TRIM7: variants seen among roughly 807,000 people sequenced by gnomAD.
TRIM7 encodes the protein tripartite motif containing 7, also known as E3 ubiquitin-protein ligase TRIM7.
A neutral mutation model predicts 37.9 loss-of-function variants in TRIM7; 32 were observed. The observed-to-expected ratio is 0.84, with a 90% CI of 0.64 to 1.13. TRIM7 has a LOEUF of 1.13. Among genes scored for constraint, TRIM7 ranks in the 50% most tolerant of loss-of-function variants. The pLI is 0.00. For missense variants in TRIM7, 732 were observed against 714.0 expected (o/e 1.03, Z -0.29); for synonymous variants, 351 against 321.3 (o/e 1.09, Z -0.99).
chr5:181,198,965 C>T (rs974173596), intron 4 of TRIM7, 130 bp downstream of exon 4: 9 of 1,335,924 alleles, frequency 6.7e-6, no homozygotes, highest in East Asian at 2.3e-5. Context: ...GCGTTTGTCT[C>T]GGAAGGTCCC....
At chr5:181,198,885 C>A (rs1757304145) in intron 4 of TRIM7, 80 bp from the exon 5 acceptor site, 1 of 1,253,080 alleles carries the variant, frequency 8.0e-7, no homozygotes, top group Non-Finnish European at 1.1e-6. Context: ...TGGCGAGGTC[C>A]TCTTGGCAGA....
rs1277072983 is a variant in TRIM7, at chr5:181,194,836, T to C, written c.*330A>G. The C allele has an allele frequency of 7.8e-6, 2 of 256,164 alleles. No individual in the cohort carries two copies. The highest frequency in any genetic ancestry group is 1.5e-5 in the Non-Finnish European group (2 of 135,152). 15.9% of individuals were successfully genotyped at this position (256,164 alleles called of 1,614,324 possible). On this transcript the variant is annotated 3_prime_UTR_variant, in exon 7 of 7. Coordinates refer to ENST00000274773, the MANE Select transcript of TRIM7 (RefSeq NM_203293.3). ...AACAGCAGGACTGGCTTTGACATTG[T>C]TTTAGGGAGCCAGGCACCCTTCCCA...
chr5:181,203,647 A>C lies in TRIM7; in HGVS notation c.523-7T>G. 6.2e-7 allele frequency: 1 copy of C among 1,605,994 alleles called. No individual in the cohort carries two copies. Among genetic ancestry groups the C allele is most frequent in the Non-Finnish European group, 8.5e-7 (1 of 1,176,994 alleles). On this transcript the variant is annotated splice_polypyrimidine_tract_variant and splice_region_variant and intron_variant, in intron 1 of 6. Transcript: ENST00000274773. Reference sequence around the variant, plus strand: ...GCCTGGACTCCAAGAGCTCCTGTAGATGAAGGGAAACAATGTAAGGTGGGG... The same window carrying C: ...GCCTGGACTCCAAGAGCTCCTGTAGCTGAAGGGAAACAATGTAAGGTGGGG...
rs749975908 is a variant in TRIM7, at chr5:181,200,055, C to G, written c.645G>C (p.Lys215Asn). 6.2e-7 allele frequency: 1 copy of G among 1,614,270 alleles called. No individual in the cohort carries two copies. The highest frequency in any genetic ancestry group is 1.1e-5 in the South Asian group (1 of 91,090). ...LLKQMAAEQE[K>N]VGAEFQALRA... ...TCAGTGCCTGGAACTCTGCCCCCAC[C>G]TTCTCCTGCTCCGCTGCCATCTGTT... is the stretch of plus-strand genomic sequence containing the variant. The change falls in exon 3 of 7, where the codon AAG becomes AAC. Residue 215 changes from lysine to asparagine, a missense_variant. Transcript: ENST00000274773.
chr5:181,199,819 A>G, intron 3 of TRIM7, 32 bp downstream of exon 3: 1 of 1,590,796 alleles, frequency 6.3e-7, no homozygotes, highest in Non-Finnish European at 8.6e-7. Context: ...CTTAGGATAA[A>G]TGACTCGAGC....
chr5:181,200,814 G>A (rs114167808), intron 2 of TRIM7: 1 of 985,446 alleles, frequency 1.0e-6, no homozygotes, highest in Non-Finnish European at 1.2e-6. Flanking sequence ...CCACCAGGAA[G>A]TTCCTCTTCC....
chr5:181,203,615 A>G lies in TRIM7; in HGVS notation c.548T>C (p.Val183Ala), dbSNP rs1347251775. Residue 183 changes from valine to alanine, a missense_variant, in exon 2 of 7, where the codon GTC (valine) becomes GCC (alanine). By Grantham distance (64) the Val-to-Ala change is moderately conservative (BLOSUM62 0). Transcript: ENST00000274773. Reference sequence around the variant, plus strand: ...ACAGTCCTCCAGTTCCTTCTTCAAGACCCTCAGCCTGGACTCCAAGAGCTC... The same window carrying G: ...ACAGTCCTCCAGTTCCTTCTTCAAGGCCCTCAGCCTGGACTCCAAGAGCTC... ...AKELLESRLRVLKKELEDCEV... is the reference protein window; with the variant it reads ...AKELLESRLRALKKELEDCEV... 2.5e-6 allele frequency: 4 copies of G among 1,613,176 alleles called. No homozygotes were observed. In the South Asian group the frequency reaches 3.3e-5, roughly 13 times the overall value.
rs1453458341 is a variant in TRIM7, at chr5:181,203,544, C to T, written c.618+1G>A. The T allele has an allele frequency of 6.2e-7, 1 of 1,614,094 alleles. No homozygotes were observed. Among genetic ancestry groups the T allele is most frequent in the South Asian group, 1.1e-5 (1 of 91,084 alleles). On this transcript the variant is annotated splice_donor_variant, in intron 2 of 6. Transcript: ENST00000274773. LOFTEE classifies it high-confidence loss of function. ...GGGGGGCCTGCGGGTGCCTGGCTCACCAGCAGCTCCTTGCTCTCCTTCTTT... is the reference window on the plus strand; with the variant it reads ...GGGGGGCCTGCGGGTGCCTGGCTCATCAGCAGCTCCTTGCTCTCCTTCTTT...
chr5:181,204,308 G>A (rs1033845553), intron 1 of TRIM7: 2 of 1,156,154 alleles, frequency 1.7e-6, no homozygotes, highest in African/African-American at 3.2e-5. Context: ...CAGACAGGAA[G>A]AACATCGCCA....
Position 181,200,083 on chromosome 5 carries a change from T to G in TRIM7, c.619-2A>C. 1 of 1,614,288 alleles carries G rather than the reference T, an allele frequency of 6.2e-7. No individual in the cohort carries two copies. The highest frequency in any genetic ancestry group is 1.1e-5 in the South Asian group (1 of 91,090). ...CTCCTGCTCCGCTGCCATCTGTTTC[T>G]GTCCCAGGAGGAGAAGTTGGAGAGG... On this transcript the variant is annotated splice_acceptor_variant, in intron 2 of 6. Transcript: ENST00000274773. LOFTEE classifies it high-confidence loss of function.
chr5:181,195,160 T>G lies in TRIM7; in HGVS notation c.*6A>C, dbSNP rs1312951182. The G allele has an allele frequency of 3.2e-6, 5 of 1,586,010 alleles. No individual in the cohort carries two copies. In the East Asian group the frequency reaches 1.1e-4, roughly 36 times the overall value. The stretch of plus-strand genomic sequence containing the variant: ...CCCAGAGACAGGAGCTCCCCAGCAG[T>G]GCCCCTCAAGGCCAGATTCGCAAGT... On this transcript the variant is annotated 3_prime_UTR_variant, in exon 7 of 7. Transcript: ENST00000274773.
Position 181,198,182 on chromosome 5 carries a change from CCTTTCTCCT to C in TRIM7, c.1016_1024del (p.Glu339_Lys341del), listed in dbSNP as rs769645410. ...ACTCGCCATCACAGCACCATCCCTA[CCTTTCTCCT>C]CTTTCTCCAGCTCTCCCCGAAGGTC... On this transcript the variant is annotated inframe_deletion and splice_region_variant, in exon 6 of 7. Coordinates refer to ENST00000274773, the MANE Select transcript of TRIM7 (RefSeq NM_203293.3). 1.7e-5 allele frequency: 28 copies of C among 1,614,052 alleles called. No individual in the cohort carries two copies. The highest frequency in any genetic ancestry group is 1.6e-4 in the Middle Eastern group (1 of 6,084).
At position 181,195,575 on chromosome 5, in the gene TRIM7, T is replaced by C. The variant is rs202182023; in HGVS notation, c.1127A>G (p.His376Arg). The change falls in exon 7 of 7, where the codon CAC becomes CGC. Residue 376 changes from histidine to arginine, a missense_variant. His to Arg is a conservative substitution (Grantham distance 29). Transcript: ENST00000274773. The stretch of plus-strand genomic sequence containing the variant: ...GGTGTTGGTGTCGAAGCGGCAGGGG[T>C]GGTTGGGCAGGTCCTGGGCCCGCTC... Reference protein sequence around the residue: ...LGERAQDLPNHPCRFDTNTRV... With the variant: ...LGERAQDLPNRPCRFDTNTRV... 6.3e-7 allele frequency: 1 copy of C among 1,597,112 alleles called. No individual in the cohort carries two copies. The highest frequency in any genetic ancestry group is 1.7e-5 in the Admixed American group (1 of 58,574).
chr5:181,195,571 G>A lies in TRIM7; in HGVS notation c.1131C>T (p.Pro377=). ...GERAQDLPNH[P]CRFDTNTRVL... ...CGCGGGTGTTGGTGTCGAAGCGGCA[G>A]GGGTGGTTGGGCAGGTCCTGGGCCC... Residue 377 remains proline (P), a synonymous_variant, in exon 7 of 7, where the codon CCC becomes CCT. Transcript: ENST00000274773. 1 of 1,607,886 alleles carries A rather than the reference G, an allele frequency of 6.2e-7. No homozygotes were observed. The highest frequency in any genetic ancestry group is 1.3e-5 in the African/African-American group (1 of 74,924).
chr5:181,202,615 G>T (rs2113087044), intron 2 of TRIM7: 1 of 151,036 alleles, frequency 6.6e-6, no homozygotes, highest in East Asian at 2.0e-4. Context: ...CTCCCAGGCT[G>T]GAGTGCAGTG....
intron 2 of TRIM7, 174 bp from the exon 3 acceptor site, chr5:181,200,255 A>C: frequency 6.7e-7 from 1 of 1,484,280 alleles, no homozygotes; most frequent in Non-Finnish European, 8.9e-7. Context: ...AGCTCTGAAC[A>C]AGCTGTAGTC....
intron 3 of TRIM7, 114 bp from the exon 4 acceptor site, chr5:181,199,231 C>A: frequency 7.9e-7 from 1 of 1,264,790 alleles, no homozygotes; most frequent in South Asian, 1.2e-5. Context: ...GCAAGTGTGC[C>A]ACGCCTCACT....
intron 6 of TRIM7, chr5:181,197,827 C>T (rs1757223924): frequency 3.5e-6 from 1 of 286,722 alleles, no homozygotes; most frequent in Non-Finnish European, 6.5e-6. Context: ...CTTCCCCTTG[C>T]TTTCCTGGTC....
intron 3 of TRIM7, chr5:181,199,430 A>G: frequency 1.9e-6 from 1 of 514,762 alleles, no homozygotes; most frequent in East Asian, 3.5e-5. Flanking sequence ...TGTCCTGGAA[A>G]CCACCTGAGG....
Sources: allele counts gnomAD v4.1 joint callset, GRCh38; gene constraint gnomAD v4.1.1; transcripts MANE v1.5; gene names NCBI Gene and HGNC (gene_info 2026-07-23, HGNC 2026-07-21).